The following TPPP variants were observed in gnomAD, a reference collection of about 807,000 sequenced individuals.
TPPP encodes the protein tubulin polymerization promoting protein.
A neutral mutation model predicts 15.5 loss-of-function variants in TPPP; 6 were observed. The ratio of observed to expected loss-of-function variants is 0.39; its 90% confidence interval spans 0.21 to 0.77. The LOEUF is 0.77. TPPP is among the 30% of genes least tolerant of loss of function. The pLI, the probability that TPPP is intolerant of heterozygous loss-of-function variation, is 0.42. For synonymous variants in TPPP, 146 were observed against 133.9 expected, an observed-to-expected ratio of 1.09 and a Z score of -0.63; for missense variants, 269 against 307.2, an observed-to-expected ratio of 0.88 and a Z score of 0.93.
At chr5:672,496 TCCTC>T (rs1740257807) in intron 2 of TPPP, among the ~76,000 whole-genome samples, 1 of 152,216 alleles carries the variant, frequency 6.6e-6, no homozygotes, top group African/African-American at 2.4e-5. Flanking sequence ...CAGCCCTCCT[TCCTC>T]TGCCTCATCG....
intron 2 of TPPP, among the ~76,000 whole-genome samples, chr5:668,166 C>T (rs532475851): frequency 3.2e-5 from 4 of 126,368 alleles, no homozygotes; most frequent in Non-Finnish European, 6.8e-5. Flanking sequence ...TACCGACAAG[C>T]ACACGGAGAG....
At chr5:685,223 T>G (rs1740734951) in intron 1 of TPPP, among the ~76,000 whole-genome samples, 1 of 152,228 alleles carries the variant, frequency 6.6e-6, no homozygotes, top group African/African-American at 2.4e-5. Flanking sequence ...AGGCCTGGGC[T>G]GAGGCTCTGC....
intron 2 of TPPP, among the ~76,000 whole-genome samples, chr5:674,190 T>C (rs1253395370): frequency 6.6e-6 from 1 of 152,168 alleles, no homozygotes; most frequent in Admixed American, 6.5e-5. Context: ...TCTGCTCCTG[T>C]GTATCCTGGA....
chr5:676,996 A>G (rs1277537194), intron 2 of TPPP, among the ~76,000 whole-genome samples: 2 of 144,802 alleles, frequency 1.4e-5, no homozygotes, highest in Non-Finnish European at 3.0e-5. Context: ...AGAAACGCGC[A>G]CACGTGCACA....
At chr5:665,846 ACC>A (rs35212980) in intron 3 of TPPP, 122 bp downstream of exon 3, 8 of 111,466 alleles carry the variant, frequency 7.2e-5, no homozygotes, top group East Asian at 3.0e-4. Flanking sequence ...GCCTCCCAGG[ACC>A]CCCCCCAGGT....
chr5:668,877 C>T (rs138895145), intron 2 of TPPP, among the ~76,000 whole-genome samples: 77 of 152,354 alleles, frequency 5.1e-4, no homozygotes, highest in Middle Eastern at 3.4e-3. Context: ...GCACCCAACG[C>T]GGTGGGTGCC....
intron 2 of TPPP, among the ~76,000 whole-genome samples, chr5:673,667 C>T (rs1482831186): frequency 6.6e-6 from 1 of 152,234 alleles, no homozygotes; most frequent in Admixed American, 6.5e-5. Context: ...GACCTTGACC[C>T]TCATGGTCAG....
At chr5:670,303 C>T (rs761605348) in intron 2 of TPPP, among the ~76,000 whole-genome samples, 14 of 152,176 alleles carry the variant, frequency 9.2e-5, no homozygotes, top group African/African-American at 2.2e-4. Flanking sequence ...GGCCGGCGGG[C>T]GAGGTGACAG....
the TPPP span, among the ~76,000 whole-genome samples, chr5:700,092 G>A: frequency 2.6e-5 from 4 of 151,892 alleles, no homozygotes; most frequent in South Asian, 2.1e-4. Context: ...CCCACTACTC[G>A]GTATATACCC....
At position 679,933 on chromosome 5, in the gene TPPP, GGGA is replaced by G. The variant is rs896714347; in HGVS notation, c.-4-1872_-4-1870del. On this transcript the variant is annotated intron_variant, in intron 1 of 3. Transcript: ENST00000360578. ...GGAGGTTGGCCTTGGAGGGCTGAGC[GGGA>G]CATAAAACGTCCTGCCCTCATGAGG... Among the ~76,000 whole-genome samples the G allele has an allele frequency of 2.0e-4, 21 of 103,954 alleles. 2 individuals carry two copies. The highest frequency in any genetic ancestry group is 3.5e-4 in the Non-Finnish European group (19 of 53,712). The allele number at this position is 103,954 out of a possible 152,430, so 68.2% of individuals were successfully genotyped here. A position where few individuals can be genotyped will look rare whatever the true frequency, so the allele number is the denominator to read the frequency against.
At position 666,142 on chromosome 5, in the gene TPPP, C is replaced by T. The variant is rs372405821; in HGVS notation, c.312-19G>A. ...CTTCCCTCTACAGGGGCACAGGCGA[C>T]TTAGGGCTGGGCGCGGGCCGGCCCA... On this transcript the variant is annotated intron_variant, in intron 2 of 3. Transcript: ENST00000360578. 1.2e-6 allele frequency: 2 copies of T among 1,605,886 alleles called. No individual in the cohort carries two copies. The highest frequency in any genetic ancestry group is 2.7e-5 in the African/African-American group (2 of 72,838).
intron 1 of TPPP, among the ~76,000 whole-genome samples, chr5:679,162 T>C (rs1252853463): frequency 1.3e-5 from 2 of 152,158 alleles, no homozygotes; most frequent in African/African-American, 2.4e-5. Context: ...GCGCCAGTCA[T>C]GGCCAAAGTG....
intron 1 of TPPP, among the ~76,000 whole-genome samples, chr5:685,853 G>A (rs889779180): frequency 1.3e-5 from 2 of 152,132 alleles, no homozygotes; most frequent in East Asian, 3.8e-4. Flanking sequence ...TCCCCTCTGA[G>A]TGGGAGACTC....
At chr5:698,776 C>T in the TPPP span, among the ~76,000 whole-genome samples, 5 of 151,864 alleles carry the variant, frequency 3.3e-5, no homozygotes, top group Admixed American at 6.6e-5. Flanking sequence ...AACCGTATTA[C>T]GACTCCACCA....
At chr5:665,821 C>T in intron 3 of TPPP, 149 bp downstream of exon 3, 5 of 910,168 alleles carry the variant, frequency 5.5e-6, no homozygotes, top group Non-Finnish European at 8.0e-6. Flanking sequence ...CACCAGGCCA[C>T]GCCCTCCTGA....
At chr5:674,075 G>A (rs1047237310) in intron 2 of TPPP, among the ~76,000 whole-genome samples, 119 of 152,252 alleles carry the variant, frequency 7.8e-4, no homozygotes, top group African/African-American at 2.6e-3. Context: ...ACATGGGGCC[G>A]GCCCTGCAGG....
intron 2 of TPPP, among the ~76,000 whole-genome samples, chr5:671,544 G>A (rs188547988): frequency 1.3e-5 from 2 of 152,344 alleles, no homozygotes; most frequent in African/African-American, 2.4e-5. Context: ...CCAAGGCCAC[G>A]CCCACCACTG....
chr5:671,509 C>G (rs1004484671), intron 2 of TPPP, among the ~76,000 whole-genome samples: 6 of 152,242 alleles, frequency 3.9e-5, no homozygotes, highest in Non-Finnish European at 7.3e-5. Context: ...GTTGCCTGGT[C>G]AGGCTCATGG....
At position 677,857 on chromosome 5, in the gene TPPP, C is replaced by A. The variant is rs781539141; in HGVS notation, c.204G>T (p.Gly68=). ...FAVHGDARAT[G]REMHGKNWSK... ...ACCAGTTCTTGCCGTGCATCTCCCTCCCGGTGGCCCTGGCGTCCCCGTGCA... is the reference window on the plus strand; with the variant it reads ...ACCAGTTCTTGCCGTGCATCTCCCTACCGGTGGCCCTGGCGTCCCCGTGCA... The change falls in exon 2 of 4, where the codon GGG becomes GGT. Residue 68 remains glycine, a synonymous_variant. Coordinates refer to ENST00000360578, the MANE Select transcript of TPPP (RefSeq NM_007030.3). 6.2e-7 allele frequency: 1 copy of A among 1,612,762 alleles called. No individual in the cohort carries two copies. Among genetic ancestry groups the A allele is most frequent in the South Asian group, 1.1e-5 (1 of 91,028 alleles).
Sources: allele counts gnomAD v4.1 joint callset (sites outside exome capture counted in the v4.1 genomes callset), GRCh38; gene constraint gnomAD v4.1.1; transcripts MANE v1.5; gene names NCBI Gene and HGNC (gene_info 2026-07-23, HGNC 2026-07-21).